Variants in PACRG observed in about 807,000 individuals in gnomAD.
PACRG encodes the protein parkin coregulated gene protein.
A neutral mutation model predicts 29.7 loss-of-function variants in PACRG; 29 were observed. The observed-to-expected ratio is 0.98, with a 90% confidence interval of 0.73 to 1.33. The LOEUF is 1.33. Among genes scored for constraint, PACRG ranks in the 40% most tolerant of loss-of-function variants. The probability of loss-of-function intolerance (pLI) is 0.00; values close to 1 mark genes in which losing one functional copy is unlikely to be tolerated. For missense variants in PACRG, 279 were observed against 316.2 expected, an observed-to-expected ratio of 0.88 and a Z score of 0.89; for synonymous variants, 116 against 118.7, an observed-to-expected ratio of 0.98 and a Z score of 0.15.
intron 4 of PACRG, among the ~76,000 whole-genome samples, chr6:163,179,660 G>A (rs2763992): frequency 0.52 from 78,144 of 150,706 alleles, 20,487 homozygotes; most frequent in Middle Eastern, 0.61. Flanking sequence ...CAGTGAGCCA[G>A]ATTGTGCCAC....
At chr6:162,831,580 C>A (rs1407127317) in intron 2 of PACRG, among the ~76,000 whole-genome samples, 1 of 152,048 alleles carries the variant, frequency 6.6e-6, no homozygotes, top group Admixed American at 6.6e-5. Flanking sequence ...TGGTGGTTTG[C>A]GGCACCTATC....
chr6:163,067,412 C>A (rs1173591556), intron 3 of PACRG, among the ~76,000 whole-genome samples: 2 of 152,186 alleles, frequency 1.3e-5, no homozygotes, highest in Non-Finnish European at 2.9e-5. Context: ...TATGTGGGAT[C>A]AGGAGATACT....
chr6:162,913,303 A>G (rs939230069), intron 2 of PACRG, among the ~76,000 whole-genome samples: 3 of 152,178 alleles, frequency 2.0e-5, no homozygotes, highest in African/African-American at 7.2e-5. Context: ...TAATCATACA[A>G]CATGTACTGT....
intron 2 of PACRG, among the ~76,000 whole-genome samples, chr6:162,865,580 A>G (rs12198901): frequency 0.014 from 2,193 of 152,288 alleles, 30 homozygotes; most frequent in South Asian, 0.024. Flanking sequence ...CAACTCTGCT[A>G]TATGATCCTG....
intron 2 of PACRG, among the ~76,000 whole-genome samples, chr6:162,868,069 AT>A (rs1203819585): frequency 5.3e-5 from 8 of 152,268 alleles, no homozygotes; most frequent in African/African-American, 1.9e-4. Flanking sequence ...ACCCTTTTGC[AT>A]TTTAAGCTGG....
intron 2 of PACRG, among the ~76,000 whole-genome samples, chr6:163,015,016 A>AT (rs1805966316): frequency 6.6e-6 from 1 of 152,126 alleles, no homozygotes; most frequent in Non-Finnish European, 1.5e-5. Flanking sequence ...TCTTGAGTTA[A>AT]TTTTTTTGTA....
chr6:163,122,874 G>GTTTCCAGAAT, intron 4 of PACRG, among the ~76,000 whole-genome samples: 1 of 152,286 alleles, frequency 6.6e-6, no homozygotes, highest in East Asian at 1.9e-4. Context: ...ATCTCCAGAA[G>GTTTCCAGAAT]TTTCCTTTTG....
chr6:163,200,025 A>T (rs1345380455), intron 4 of PACRG, among the ~76,000 whole-genome samples: 1 of 152,206 alleles, frequency 6.6e-6, no homozygotes, highest in Non-Finnish European at 1.5e-5. Context: ...TTGCCGAAGA[A>T]TACAAAACAT....
At chr6:162,731,812 A>T (rs1401886168) in intron 1 of PACRG, among the ~76,000 whole-genome samples, 1 of 152,186 alleles carries the variant, frequency 6.6e-6, no homozygotes, top group Non-Finnish European at 1.5e-5. Flanking sequence ...TAAAATATTA[A>T]TTTGGCTTCT....
rs573218340 is a variant in PACRG at position 163,008,087 on chromosome 6, T to C, written c.292-54063T>C. On this transcript the variant is annotated intron_variant, in intron 2 of 4. Transcript: ENST00000366888. ...AGCACATTAGAGAAAATGAAGGGAC[T>C]TTGCTAAATTTTAAGCTGTTCCTTG... is the stretch of plus-strand genomic sequence containing the variant. Among the ~76,000 whole-genome samples, 13 of 152,330 alleles carry C rather than the reference T, an allele frequency of 8.5e-5. No individual in the cohort carries two copies. The East Asian group carries it at 2.5e-3, about 29-fold the overall frequency.
chr6:162,926,947 A>C (rs2128101222), intron 2 of PACRG, among the ~76,000 whole-genome samples: 1 of 152,258 alleles, frequency 6.6e-6, no homozygotes, highest in South Asian at 2.1e-4. Flanking sequence ...AGGAACTTAA[A>C]CAAATTTACA....
chr6:162,896,668 T>C (rs984046507), intron 2 of PACRG, among the ~76,000 whole-genome samples: 1 of 152,256 alleles, frequency 6.6e-6, no homozygotes, highest in African/African-American at 2.4e-5. Flanking sequence ...ATGTGAATTA[T>C]ATGAAACATG....
chr6:162,999,944 G>A (rs1209826192), intron 2 of PACRG, among the ~76,000 whole-genome samples: 1 of 152,140 alleles, frequency 6.6e-6, no homozygotes, highest in Non-Finnish European at 1.5e-5. Flanking sequence ...AAACACAAAT[G>A]CCTACAATGG....
intron 4 of PACRG, among the ~76,000 whole-genome samples, chr6:163,113,773 T>C (rs1815836858): frequency 2.0e-5 from 3 of 151,700 alleles, no homozygotes; most frequent in African/African-American, 7.3e-5. Flanking sequence ...GGCCACAGAT[T>C]GAAATGACTA....
At chr6:162,996,090 G>T (rs1009044830) in intron 2 of PACRG, among the ~76,000 whole-genome samples, 4 of 151,850 alleles carry the variant, frequency 2.6e-5, no homozygotes, top group Non-Finnish European at 5.9e-5. Context: ...TTGTATACTT[G>T]TAATTTGCTA....
intron 4 of PACRG, among the ~76,000 whole-genome samples, chr6:163,162,890 G>C (rs1213627641): frequency 6.6e-6 from 1 of 151,972 alleles, no homozygotes; most frequent in South Asian, 2.1e-4. Context: ...TCTGGTTTTC[G>C]GTAGCACAGT....
At chr6:163,006,005 TTATATGTTATATACATTA>T (rs201531726) in intron 2 of PACRG, among the ~76,000 whole-genome samples, 4,947 of 145,320 alleles carry the variant, frequency 0.034, 276 homozygotes, top group African/African-American at 0.11. Context: ...TGTATAACAT[TTATATGTTATATACATTA>T]TATATGTTAT....
intron 2 of PACRG, among the ~76,000 whole-genome samples, chr6:162,833,925 G>A (rs183607938): frequency 1.3e-5 from 2 of 152,152 alleles, no homozygotes; most frequent in Admixed American, 1.3e-4. Context: ...TGTGGTAAGT[G>A]GTAAGTGCAT....
chr6:162,998,714 C>CA (rs1804311474), intron 2 of PACRG, among the ~76,000 whole-genome samples: 3 of 152,128 alleles, frequency 2.0e-5, no homozygotes, highest in Non-Finnish European at 4.4e-5. Flanking sequence ...GCTCTAGAAG[C>CA]ATGCTTAGAA....
Sources: allele counts gnomAD v4.1 joint callset (sites outside exome capture counted in the v4.1 genomes callset), GRCh38; gene constraint gnomAD v4.1.1; transcripts MANE v1.5; gene names NCBI Gene and HGNC (gene_info 2026-07-23, HGNC 2026-07-21).